Variants in UNC5B observed in about 807,000 individuals in gnomAD.
UNC5B encodes the protein netrin receptor UNC5B.
UNC5B carries 56 observed loss-of-function variants against 103.7 expected under a neutral mutation model. The ratio of observed to expected loss-of-function variants is 0.54; its 90% CI spans 0.44 to 0.67. The LOEUF (loss-of-function observed/expected upper bound fraction) is 0.67, where lower values mean the gene tolerates loss of function less well. UNC5B is among the 30% of genes least tolerant of loss of function. The probability of loss-of-function intolerance (pLI) is 0.00; values close to 1 mark genes in which losing one functional copy is unlikely to be tolerated. For synonymous variants in UNC5B, 577 were observed against 542.0 expected, an observed-to-expected ratio of 1.06 and a Z score of -0.90; for missense variants, 1,194 against 1,284.5, an observed-to-expected ratio of 0.93 and a Z score of 1.08.
chr10:71,222,452 C>T (rs1843471256), intron 1 of UNC5B, among the ~76,000 whole-genome samples: 1 of 152,226 alleles, frequency 6.6e-6, no homozygotes. Context: ...TGAACACACA[C>T]ATATACAGTC....
At chr10:71,296,009 C>T (rs190126183) in intron 14 of UNC5B, 49 bp downstream of exon 14, 61 of 1,610,314 alleles carry the variant, frequency 3.8e-5, no homozygotes, top group East Asian at 3.6e-4. Flanking sequence ...AAGGGCTGCC[C>T]GGGAAGCCCA....
At chr10:71,224,415 A>ACACACACACACACACACACG (rs1354437814) in intron 1 of UNC5B, among the ~76,000 whole-genome samples, 2 of 149,454 alleles carry the variant, frequency 1.3e-5, no homozygotes, top group African/African-American at 5.0e-5. Flanking sequence ...ACACACACAC[A>ACACACACACACACACACACG]CGAAATGACA....
chr10:71,267,500 A>C (rs1388083776), intron 1 of UNC5B, among the ~76,000 whole-genome samples: 1 of 152,146 alleles, frequency 6.6e-6, no homozygotes, highest in Admixed American at 6.5e-5. Context: ...TTACATGGCT[A>C]TGGGGGTAGG....
At chr10:71,288,806 C>T in intron 7 of UNC5B, 74 bp downstream of exon 7, 1 of 1,544,508 alleles carries the variant, frequency 6.5e-7, no homozygotes, top group Non-Finnish European at 8.8e-7. Context: ...AACCCGGCCC[C>T]ATGCCTCAGT....
In UNC5B at chr10:71,267,257, G is replaced by T. The variant is rs1434769840; in HGVS notation, c.80-12564G>T. ...AATTGAGGCCCAGAGGGAAGTGGCT[G>T]CCCAGGGGTTGTCTTGTGAGTCACT... On this transcript the variant is annotated intron_variant, in intron 1 of 16. Transcript: ENST00000335350. Among the ~76,000 whole-genome samples the T allele has an allele frequency of 3.9e-5, 6 of 152,334 alleles. No individual in the cohort carries two copies. In the East Asian group the frequency reaches 9.6e-4, roughly 24 times the overall value.
intron 1 of UNC5B, among the ~76,000 whole-genome samples, chr10:71,263,354 G>T (rs912000994): frequency 6.6e-6 from 1 of 152,186 alleles, no homozygotes; most frequent in African/African-American, 2.4e-5. Context: ...CAAGCCTGAG[G>T]TTTTGAGGAG....
intron 13 of UNC5B, 132 bp from the exon 14 acceptor site, chr10:71,295,679 C>G (rs1845388757): frequency 9.6e-7 from 1 of 1,037,714 alleles, no homozygotes; most frequent in Admixed American, 2.3e-5. Context: ...CACCATAAGC[C>G]CTCTGTGAGC....
chr10:71,259,734 G>A (rs762956322), intron 1 of UNC5B, among the ~76,000 whole-genome samples: 6 of 152,180 alleles, frequency 3.9e-5, no homozygotes, highest in African/African-American at 9.7e-5. Flanking sequence ...ATATAGACCC[G>A]TGACTTGCCC....
At chr10:71,233,576 C>G (rs1047874521) in intron 1 of UNC5B, among the ~76,000 whole-genome samples, 2 of 152,202 alleles carry the variant, frequency 1.3e-5, no homozygotes, top group Non-Finnish European at 2.9e-5. Context: ...GAGGTGGCCA[C>G]CGTCCCAGCC....
At chr10:71,294,454 G>A (rs956539753) in intron 13 of UNC5B, among the ~76,000 whole-genome samples, 1 of 152,144 alleles carries the variant, frequency 6.6e-6, no homozygotes, top group Non-Finnish European at 1.5e-5. Context: ...AATGGACCTG[G>A]TAGACACCTG....
In UNC5B at chr10:71,285,332, G is replaced by A. The variant is rs374916868; in HGVS notation, c.455G>A (p.Arg152His). ...ACCCTCTCGCTTCTCCCAGACCTGC[G>A]CAAGAACTTCGATCAGGAGCCTCTG... ...RRAYVRIAYL[R>H]KNFDQEPLGK... Residue 152 changes from arginine to histidine, a missense_variant, in exon 4 of 17, where the codon CGC (arginine) becomes CAC (histidine). Arg to His is a conservative substitution (Grantham distance 29). Coordinates refer to ENST00000335350, the MANE Select transcript of UNC5B (RefSeq NM_170744.5). 9 of 1,609,828 alleles carry A rather than the reference G, an allele frequency of 5.6e-6. No individual in the cohort carries two copies. Among genetic ancestry groups the A allele is most frequent in the Middle Eastern group, 1.6e-4 (1 of 6,074 alleles).
At chr10:71,270,031 T>C (rs1006659265) in intron 1 of UNC5B, among the ~76,000 whole-genome samples, 1 of 152,072 alleles carries the variant, frequency 6.6e-6, no homozygotes, top group East Asian at 1.9e-4. Context: ...AAAACACGCC[T>C]GGTGGGGCTT....
At chr10:71,283,911 C>G (rs913801009) in intron 2 of UNC5B, among the ~76,000 whole-genome samples, 1 of 152,178 alleles carries the variant, frequency 6.6e-6, no homozygotes, top group African/African-American at 2.4e-5. Flanking sequence ...GCAGGCATCC[C>G]ACCTCTGCAC....
chr10:71,262,404 G>A (rs368758315), intron 1 of UNC5B, among the ~76,000 whole-genome samples: 8 of 151,764 alleles, frequency 5.3e-5, no homozygotes, highest in African/African-American at 9.7e-5. Context: ...CCAGGATTGT[G>A]GGGGGGCTGT....
intron 1 of UNC5B, among the ~76,000 whole-genome samples, chr10:71,223,974 T>G (rs543073105): frequency 6.6e-6 from 1 of 152,178 alleles, no homozygotes; most frequent in Admixed American, 6.5e-5. Context: ...CTGGCTGATA[T>G]AGACTCTGGG....
At chr10:71,264,697 A>G (rs1474637375) in intron 1 of UNC5B, among the ~76,000 whole-genome samples, 1 of 152,164 alleles carries the variant, frequency 6.6e-6, no homozygotes, top group Non-Finnish European at 1.5e-5. Flanking sequence ...CAGCACCTAG[A>G]CATTTCTTAG....
At chr10:71,273,538 G>A (rs1427179987) in intron 1 of UNC5B, among the ~76,000 whole-genome samples, 2 of 152,232 alleles carry the variant, frequency 1.3e-5, no homozygotes, top group African/African-American at 4.8e-5. Flanking sequence ...CATTTGTCCT[G>A]AAGTCATTCC....
At chr10:71,268,688 CGGG>C (rs1430820256) in intron 1 of UNC5B, among the ~76,000 whole-genome samples, 2 of 152,162 alleles carry the variant, frequency 1.3e-5, no homozygotes, top group Non-Finnish European at 2.9e-5. Flanking sequence ...CTGAGGGAGA[CGGG>C]GGAAATTTGT....
chr10:71,213,011 G>T lies in UNC5B; in HGVS notation c.26G>T (p.Gly9Val). Residue 9 changes from glycine (G) to valine (V), a missense_variant, in exon 1 of 17, where the codon GGC (glycine) becomes GTC (valine). By Grantham distance (109) the Gly-to-Val change is moderately radical. Transcript: ENST00000335350. This position sits in a 1 kb window ranked among gnomAD's most constrained non-coding sequence, Gnocchi z 4.1. MGARSGAR[G>V]ALLLALLLCW... ...ATGGGGGCCCGGAGCGGAGCTCGGG[G>T]CGCGCTGCTGCTGGCACTGCTGCTC... 2 of 1,413,642 alleles carry T rather than the reference G, an allele frequency of 1.4e-6. No homozygotes were observed. The highest frequency in any genetic ancestry group is 1.9e-6 in the Non-Finnish European group (2 of 1,077,786). The allele number at this position is 1,413,642 out of a possible 1,614,324, so 87.6% of individuals were successfully genotyped here.
Sources: allele counts gnomAD v4.1 joint callset (sites outside exome capture counted in the v4.1 genomes callset), GRCh38; gene constraint gnomAD v4.1.1; non-coding constraint Gnocchi (gnomAD v3.1); transcripts MANE v1.5; gene names NCBI Gene and HGNC (gene_info 2026-07-23, HGNC 2026-07-21).